Variants in ATP10B observed in about 807,000 individuals in gnomAD.
ATP10B encodes the protein ATPase phospholipid transporting 10B (putative), also known as phospholipid-transporting ATPase VB.
Under a neutral mutation model 141.2 loss-of-function variants are expected in ATP10B, and 122 were observed. The ratio of observed to expected loss-of-function variants is 0.86; its 90% CI spans 0.75 to 1.00. The LOEUF is 1.00. Ranked by LOEUF, ATP10B falls within the 50% of genes least tolerant of loss-of-function variation. The probability of loss-of-function intolerance (pLI) is 0.00; values close to 1 mark genes in which losing one functional copy is unlikely to be tolerated. For missense variants in ATP10B, 1,876 were observed against 1,825.3 expected, an observed-to-expected ratio of 1.03 and a Z score of -0.51; for synonymous variants, 685 against 692.0, an observed-to-expected ratio of 0.99 and a Z score of 0.16.
intron 1 of ATP10B, among the ~76,000 whole-genome samples, chr5:160,803,648 C>G (rs1484087889): frequency 6.6e-6 from 1 of 152,078 alleles, no homozygotes; most frequent in Non-Finnish European, 1.5e-5. Context: ...TGTACTCCAG[C>G]CTGGGTGACA....
intron 2 of ATP10B, among the ~76,000 whole-genome samples, chr5:160,725,153 G>C (rs1438832294): frequency 2.0e-5 from 3 of 152,200 alleles, no homozygotes; most frequent in Non-Finnish European, 2.9e-5. Context: ...ATTTAGGAAA[G>C]AAACAGGAGA....
intron 7 of ATP10B, among the ~76,000 whole-genome samples, chr5:160,667,917 G>T (rs1762418345): frequency 6.6e-6 from 1 of 151,898 alleles, no homozygotes; most frequent in East Asian, 1.9e-4. Context: ...ACTGCTCCTA[G>T]AACTTTAAAA....
At position 160,628,867 on chromosome 5, in the gene ATP10B, C is replaced by T. The variant is rs150203862; in HGVS notation, c.1620+3262G>A. ...CACCATTTTTATAAGTATATTACCC[C>T]CACCTTAAAGCCACAGATTTTATTG... is the stretch of plus-strand genomic sequence containing the variant. On this transcript the variant is annotated intron_variant, in intron 13 of 25. Coordinates refer to ENST00000327245, the MANE Select transcript of ATP10B (RefSeq NM_025153.3). Among the ~76,000 whole-genome samples, 21 of 152,224 alleles carry T rather than the reference C, an allele frequency of 1.4e-4. No homozygotes were observed. The East Asian group carries it at 4.1e-3, about 29-fold the overall frequency.
intron 6 of ATP10B, among the ~76,000 whole-genome samples, chr5:160,680,471 A>C (rs1174783616): frequency 6.6e-6 from 1 of 152,182 alleles, no homozygotes; most frequent in African/African-American, 2.4e-5. Flanking sequence ...CATAGAATCA[A>C]TCCACTTCAG....
intron 1 of ATP10B, among the ~76,000 whole-genome samples, chr5:160,836,687 G>C (rs1030744987): frequency 1.4e-4 from 21 of 152,224 alleles, no homozygotes; most frequent in Non-Finnish European, 1.9e-4. Context: ...TTCCCAGCAA[G>C]TTCAGGGTTT....
chr5:160,618,696 C>T (rs1758162320), intron 15 of ATP10B, among the ~76,000 whole-genome samples: 3 of 152,084 alleles, frequency 2.0e-5, no homozygotes, highest in South Asian at 4.1e-4. Flanking sequence ...AATTCCAGTT[C>T]CTTTATCTAA....
chr5:160,590,581 G>C (rs1218954337), intron 23 of ATP10B, among the ~76,000 whole-genome samples: 1 of 152,124 alleles, frequency 6.6e-6, no homozygotes, highest in African/African-American at 2.4e-5. Context: ...AGATAATGTA[G>C]TATCTCATTA....
chr5:160,722,117 T>C (rs538569132), intron 2 of ATP10B, among the ~76,000 whole-genome samples: 1 of 152,322 alleles, frequency 6.6e-6, no homozygotes, highest in East Asian at 1.9e-4. Flanking sequence ...TAACTAAACA[T>C]ATCCAAGCAA....
chr5:160,920,104 C>T, the ATP10B span, among the ~76,000 whole-genome samples: 1 of 152,158 alleles, frequency 6.6e-6, no homozygotes, highest in Non-Finnish European at 1.5e-5. Context: ...GAGAGGGGCT[C>T]AGGACACCTG....
At chr5:160,819,405 A>G (rs1376445748) in intron 1 of ATP10B, among the ~76,000 whole-genome samples, 1 of 152,208 alleles carries the variant, frequency 6.6e-6, no homozygotes, top group African/African-American at 2.4e-5. Context: ...TCAACACCAG[A>G]CCTATCCTAC....
chr5:160,883,784 G>GT, the ATP10B span, among the ~76,000 whole-genome samples: 1 of 152,166 alleles, frequency 6.6e-6, no homozygotes, highest in African/African-American at 2.4e-5. Flanking sequence ...AGTTTAAAGA[G>GT]TGTTAACAAA....
rs1561755198 is a variant in ATP10B, at chr5:160,687,970, T to G, written c.105A>C (p.Lys35Asn). ...SETTPLLSPE[K>N]GRQSYNLTQQ... ...GTGTCAAGTTGTAGCTCTGTCTCCC[T>G]TTCTCTGGAGAGAGCAGCGGTGTGG... The change falls in exon 5 of 26, where the codon AAA (lysine) becomes AAC (asparagine). Residue 35 changes from lysine (K) to asparagine (N), a missense_variant. Coordinates refer to ENST00000327245, the MANE Select transcript of ATP10B (RefSeq NM_025153.3). 1 of 1,614,130 alleles carries G rather than the reference T, an allele frequency of 6.2e-7. No individual in the cohort carries two copies. The highest frequency in any genetic ancestry group is 8.5e-7 in the Non-Finnish European group (1 of 1,180,032).
At chr5:160,725,450 C>T (rs1766271999) in intron 2 of ATP10B, among the ~76,000 whole-genome samples, 1 of 151,844 alleles carries the variant, frequency 6.6e-6, no homozygotes. Flanking sequence ...CACAGGCTTA[C>T]GATGGGATTT....
intron 17 of ATP10B, chr5:160,613,737 G>T (rs1757853225): frequency 6.6e-6 from 1 of 152,188 alleles, no homozygotes; most frequent in Non-Finnish European, 1.5e-5. Context: ...AATTAAACAT[G>T]CAGATTCCAT....
chr5:160,785,830 T>C (rs1771106278), intron 1 of ATP10B, 27 bp from the exon 2 acceptor site: 1 of 346,440 alleles, frequency 2.9e-6, no homozygotes, highest in Non-Finnish European at 5.0e-6. Context: ...AGAAAAGAAA[T>C]ACAAAATATA....
chr5:160,835,365 C>T (rs1323275130), intron 1 of ATP10B, among the ~76,000 whole-genome samples: 2 of 152,084 alleles, frequency 1.3e-5, no homozygotes, highest in Non-Finnish European at 2.9e-5. Flanking sequence ...CTTTTGCTTT[C>T]CAGTCATCTA....
At chr5:160,688,165 C>G (rs944391888) in intron 4 of ATP10B, 71 bp from the exon 5 acceptor site, 1 of 1,478,546 alleles carries the variant, frequency 6.8e-7, no homozygotes, top group Non-Finnish European at 9.1e-7. Flanking sequence ...ATTTCTCCCC[C>G]ATCCATGCAG....
intron 1 of ATP10B, among the ~76,000 whole-genome samples, chr5:160,828,220 T>G (rs983526059): frequency 1.3e-5 from 2 of 152,082 alleles, no homozygotes; most frequent in Non-Finnish European, 2.9e-5. Flanking sequence ...GGGATCTAAT[T>G]AAACTAAAGA....
At position 160,603,945 on chromosome 5, in the gene ATP10B, A is replaced by T. The variant is rs772126683; in HGVS notation, c.3237+20T>A. The T allele has an allele frequency of 6.2e-7, 1 of 1,601,600 alleles. No individual in the cohort carries two copies. Among genetic ancestry groups the T allele is most frequent in the Non-Finnish European group, 8.6e-7 (1 of 1,168,976 alleles). On this transcript the variant is annotated intron_variant, in intron 20 of 25. Coordinates refer to ENST00000327245, the MANE Select transcript of ATP10B (RefSeq NM_025153.3). ...TCAACTAAGGACCAAAGAAAGAAGA[A>T]TAGTTGCAGAGAACAATACCTGCAT...
Sources: gnomAD v4.1 joint callset for allele counts (sites outside exome capture counted in the v4.1 genomes callset) on GRCh38, gnomAD v4.1.1 for gene constraint, MANE v1.5 for transcripts, NCBI Gene and HGNC (gene_info 2026-07-23, HGNC 2026-07-21) for gene names.